The following GPSM1 variants were observed in gnomAD, a reference collection of about 807,000 sequenced individuals.
GPSM1 encodes G protein signaling modulator 1.
A neutral mutation model predicts 70.5 loss-of-function variants in GPSM1; 48 were observed. The observed-to-expected ratio is 0.68, with a 90% CI of 0.54 to 0.87. The LOEUF (loss-of-function observed/expected upper bound fraction) is 0.87, where lower values mean the gene tolerates loss of function less well. GPSM1 is among the 40% of genes least tolerant of loss of function. The probability of loss-of-function intolerance (pLI) is 0.00; values close to 1 mark genes in which losing one functional copy is unlikely to be tolerated. For missense variants in GPSM1, 981 were observed against 972.6 expected, an observed-to-expected ratio of 1.01 and a Z score of -0.11; for synonymous variants, 416 against 430.1, an observed-to-expected ratio of 0.97 and a Z score of 0.41.
In GPSM1 at chr9:136,330,767, G is replaced by A. The variant is rs186378204; in HGVS notation, c.68+3004G>A. Among the ~76,000 whole-genome samples the A allele has an allele frequency of 7.0e-4, 106 of 152,328 alleles. 2 individuals carry two copies. The highest frequency in any genetic ancestry group is 6.7e-3 in the Admixed American group (102 of 15,304). ...GGACACGGCTTTCGGGTGGCCGGAG[G>A]TAGTAGGAGTTGCAGTGCTGGCTTG... On this transcript the variant is annotated intron_variant, in intron 1 of 13. Coordinates refer to ENST00000440944, the MANE Select transcript of GPSM1 (RefSeq NM_001145638.3).
chr9:136,345,710 C>A (rs1033247822), intron 9 of GPSM1, among the ~76,000 whole-genome samples: 17 of 152,192 alleles, frequency 1.1e-4, no homozygotes, highest in Admixed American at 1.1e-3. Context: ...CACCGGGAGA[C>A]GGAGCGGGGC....
rs1460440486 is a variant in GPSM1 at position 136,358,312 on chromosome 9, G to C, written c.*92G>C. On this transcript the variant is annotated 3_prime_UTR_variant, in exon 14 of 14. Transcript: ENST00000440944. ...ACGTCCTCCCGAGGCCATTGCCGAG[G>C]ACAGGCACTGGGCATGCAGCCCCAC... is the stretch of plus-strand genomic sequence containing the variant. 10 of 1,171,198 alleles carry C rather than the reference G, an allele frequency of 8.5e-6. No individual in the cohort carries two copies. The East Asian group carries it at 2.6e-4, about 30-fold the overall frequency. 72.6% of individuals were successfully genotyped at this position (1,171,198 alleles called of 1,614,324 possible). A position where few individuals can be genotyped will look rare whatever the true frequency, so the allele number is the denominator to read the frequency against.
intron 1 of GPSM1, among the ~76,000 whole-genome samples, chr9:136,330,779 G>T (rs1358204382): frequency 1.3e-5 from 2 of 152,202 alleles, no homozygotes; most frequent in Admixed American, 6.5e-5. Context: ...AGTAGGAGTT[G>T]CAGTGCTGGC....
At position 136,343,260 on chromosome 9, in the gene GPSM1, A is replaced by C. The variant is rs1832439257; in HGVS notation, c.1207+2267A>C. Reference sequence around the variant, plus strand: ...TCCCACACTTGCTCCTGGGCTGCCCACCCCCCACCCCAGCAAGGGTGCCAG... The same window carrying C: ...TCCCACACTTGCTCCTGGGCTGCCCCCCCCCCACCCCAGCAAGGGTGCCAG... On this transcript the variant is annotated intron_variant, in intron 9 of 13. Transcript: ENST00000440944. The surrounding 1 kb of genome is among the most constrained non-coding windows in gnomAD (Gnocchi z 6.0). 6.9e-6 allele frequency among the ~76,000 whole-genome samples: 1 copy of C among 145,340 alleles called. No individual in the cohort carries two copies.
In GPSM1 at chr9:136,343,084, C is replaced by T. The variant is rs941193611; in HGVS notation, c.1207+2091C>T. ...TCTCACCGCCCTCTGCTGGCCCCTC[C>T]CCAGCCAGCAGAGAAGCCCCAGAAG... On this transcript the variant is annotated intron_variant, in intron 9 of 13. Coordinates refer to ENST00000440944, the MANE Select transcript of GPSM1 (RefSeq NM_001145638.3). This position sits in a 1 kb window ranked among gnomAD's most constrained non-coding sequence, Gnocchi z 6.0. Among the ~76,000 whole-genome samples, 3 of 152,258 alleles carry T rather than the reference C, an allele frequency of 2.0e-5. No homozygotes were observed. In the East Asian group the frequency reaches 5.8e-4, roughly 29 times the overall value.
rs75245092 is a variant in GPSM1, at chr9:136,334,200, G to A, written c.69-247G>A. Reference sequence around the variant, plus strand: ...AAACTCACACCTTTGCCCCAGTGGCGTTCCTGACCTTGGCCGCACAAGGGG... The same window carrying A: ...AAACTCACACCTTTGCCCCAGTGGCATTCCTGACCTTGGCCGCACAAGGGG... On this transcript the variant is annotated intron_variant, in intron 1 of 13. Transcript: ENST00000440944. 5.0e-3 allele frequency among the ~76,000 whole-genome samples: 765 copies of A among 152,332 alleles called. 4 individuals carry two copies. Among genetic ancestry groups the A allele is most frequent in the African/African-American group, 0.017 (710 of 41,576 alleles).
At chr9:136,337,145 C>T (rs1358698659) in intron 4 of GPSM1, 73 bp downstream of exon 4, 2 of 1,345,354 alleles carry the variant, frequency 1.5e-6, no homozygotes, top group Admixed American at 4.8e-5. Flanking sequence ...CACTTCCAGA[C>T]CCCCGACCCC....
At position 136,342,760 on chromosome 9, in the gene GPSM1, G is replaced by T. The variant is rs1199731474; in HGVS notation, c.1207+1767G>T. On this transcript the variant is annotated intron_variant, in intron 9 of 13. Transcript: ENST00000440944. This position sits in a 1 kb window ranked among gnomAD's most constrained non-coding sequence, Gnocchi z 5.5. The stretch of plus-strand genomic sequence containing the variant: ...GGGCGGGGTGGATCTGCGAGCTGCG[G>T]GAGGGGAGGGGGGTGCAGAGCCGCG... Among the ~76,000 whole-genome samples the T allele has an allele frequency of 6.6e-6, 1 of 152,088 alleles. No individual in the cohort carries two copies. The highest frequency in any genetic ancestry group is 1.9e-4 in the East Asian group (1 of 5,154).
At position 136,349,722 on chromosome 9, in the gene GPSM1, C is replaced by T; in HGVS notation, c.1414C>T (p.Pro472Ser). 1 of 1,577,356 alleles carries T rather than the reference C, an allele frequency of 6.3e-7. No individual in the cohort carries two copies. Among genetic ancestry groups the T allele is most frequent in the Non-Finnish European group, 8.6e-7 (1 of 1,162,770 alleles). The change falls in exon 11 of 14, where the codon CCG becomes TCG. Residue 472 changes from proline to serine, a missense_variant. Coordinates refer to ENST00000440944, the MANE Select transcript of GPSM1 (RefSeq NM_001145638.3). The part of the protein sequence containing the change: ...ERRPREGSHS[P>S]LDSADVRVHV... Reference sequence around the variant, plus strand: ...GAGGCCCCGGGAGGGCAGCCACTCCCCGCTGGACAGCGCCGACGTCCGGGT... The same window carrying T: ...GAGGCCCCGGGAGGGCAGCCACTCCTCGCTGGACAGCGCCGACGTCCGGGT...
At chr9:136,334,305 G>C (rs117889864) in intron 1 of GPSM1, 142 bp from the exon 2 acceptor site, 1 of 641,192 alleles carries the variant, frequency 1.6e-6, no homozygotes, top group Non-Finnish European at 2.7e-6. Context: ...GTATCCCAAA[G>C]AGACACTTAG....
At chr9:136,338,981 C>T (rs1309038193) in intron 7 of GPSM1, among the ~76,000 whole-genome samples, 1 of 152,218 alleles carries the variant, frequency 6.6e-6, no homozygotes, top group Admixed American at 6.5e-5. Context: ...AAATATCACT[C>T]TCTGGAGAGA....
chr9:136,354,027 C>T (rs781788906), intron 11 of GPSM1, among the ~76,000 whole-genome samples: 2 of 152,132 alleles, frequency 1.3e-5, no homozygotes, highest in Non-Finnish European at 2.9e-5. Context: ...TAGGCCTGAG[C>T]CAGGCTGCAG....
intron 7 of GPSM1, 76 bp downstream of exon 7, chr9:136,338,786 C>T: frequency 7.1e-7 from 1 of 1,408,642 alleles, no homozygotes; most frequent in Non-Finnish European, 9.5e-7. Flanking sequence ...GCGAGGTGGC[C>T]TGGGTCCCAT....
intron 11 of GPSM1, chr9:136,354,839 G>A (rs782730241): frequency 9.0e-6 from 9 of 999,370 alleles, no homozygotes; most frequent in Admixed American, 6.1e-5. Flanking sequence ...GGAGCTCATG[G>A]CAGGGCTGAC....
intron 2 of GPSM1, 27 bp from the exon 3 acceptor site, chr9:136,335,939 G>A (rs1832222416): frequency 6.2e-7 from 1 of 1,609,400 alleles, no homozygotes; most frequent in East Asian, 2.2e-5. Flanking sequence ...TCCTCAGCCT[G>A]ACCCCTCACT....
Position 136,343,263 on chromosome 9 carries a change from C to G in GPSM1, c.1207+2270C>G, listed in dbSNP as rs1359469702. Among the ~76,000 whole-genome samples, 1 of 151,946 alleles carries G rather than the reference C, an allele frequency of 6.6e-6. No individual in the cohort carries two copies. The highest frequency in any genetic ancestry group is 1.5e-5 in the Non-Finnish European group (1 of 67,922). ...CACACTTGCTCCTGGGCTGCCCACC[C>G]CCCACCCCAGCAAGGGTGCCAGGCA... is the stretch of plus-strand genomic sequence containing the variant. On this transcript the variant is annotated intron_variant, in intron 9 of 13. Coordinates refer to ENST00000440944, the MANE Select transcript of GPSM1 (RefSeq NM_001145638.3). This position sits in a 1 kb window ranked among gnomAD's most constrained non-coding sequence, Gnocchi z 6.0.
intron 6 of GPSM1, 42 bp downstream of exon 6, chr9:136,338,003 G>C (rs782562713): frequency 5.2e-6 from 7 of 1,338,734 alleles, no homozygotes; most frequent in Non-Finnish European, 6.3e-6. Context: ...AGCAGGCCGG[G>C]GGGGCTGGAT....
chr9:136,341,225 A>G lies in GPSM1; in HGVS notation c.1207+232A>G. ...GCTGCAGGGCTGCTGGATGAAGGAC[A>G]GGAGGTGGTCGCCTGTTGCCCCACT... On this transcript the variant is annotated intron_variant, in intron 9 of 13. Transcript: ENST00000440944. This position sits in a 1 kb window ranked among gnomAD's most constrained non-coding sequence, Gnocchi z 6.7. 4 of 1,520,952 alleles carry G rather than the reference A, an allele frequency of 2.6e-6. No homozygotes were observed. The South Asian group carries it at 5.0e-5, about 19-fold the overall frequency. The allele number at this position is 1,520,952 out of a possible 1,614,324, so 94.2% of individuals were successfully genotyped here.
At position 136,342,398 on chromosome 9, in the gene GPSM1, A is replaced by T. The variant is rs1832413612; in HGVS notation, c.1207+1405A>T. On this transcript the variant is annotated intron_variant, in intron 9 of 13. Coordinates refer to ENST00000440944, the MANE Select transcript of GPSM1 (RefSeq NM_001145638.3). This position sits in a 1 kb window ranked among gnomAD's most constrained non-coding sequence, Gnocchi z 5.5. The stretch of plus-strand genomic sequence containing the variant: ...CAAGGAAAAGGGGGGCCGGAGTGGG[A>T]GGACGCTGGAACAATGCAGCTTCTG... 6.6e-6 allele frequency among the ~76,000 whole-genome samples: 1 copy of T among 152,160 alleles called. No homozygotes were observed. Among genetic ancestry groups the T allele is most frequent in the East Asian group, 1.9e-4 (1 of 5,184 alleles).
Sources: allele counts gnomAD v4.1 joint callset (sites outside exome capture counted in the v4.1 genomes callset), GRCh38; gene constraint gnomAD v4.1.1; non-coding constraint Gnocchi (gnomAD v3.1); transcripts MANE v1.5; gene names NCBI Gene and HGNC (gene_info 2026-07-23, HGNC 2026-07-21).